Variants in GRID2 observed in about 807,000 individuals in gnomAD.
GRID2 encodes the protein glutamate receptor ionotropic, delta-2.
GRID2 carries 33 observed loss-of-function variants against 114.8 expected under a neutral mutation model. The ratio of observed to expected loss-of-function variants is 0.29; its 90% CI spans 0.22 to 0.38. The LOEUF is 0.38. GRID2 is among the 10% of genes least tolerant of loss of function. The probability of loss-of-function intolerance (pLI) is 1.00; values close to 1 mark genes in which losing one functional copy is unlikely to be tolerated. For missense variants in GRID2, 1,184 were observed against 1,257.7 expected (o/e 0.94, Z 0.89); for synonymous variants, 505 against 449.9 (o/e 1.12, Z -1.55).
At chr4:92,558,738 C>G (rs17019568) in intron 1 of GRID2, among the ~76,000 whole-genome samples, 29,289 of 152,094 alleles carry the variant, frequency 0.19, 3,991 homozygotes, top group African/African-American at 0.39. Flanking sequence ...GATCATGCTT[C>G]GCAAGGCATT....
chr4:93,614,156 C>A (rs1022236712), intron 13 of GRID2, among the ~76,000 whole-genome samples: 3 of 152,192 alleles, frequency 2.0e-5, no homozygotes, highest in African/African-American at 7.2e-5. Context: ...GGCAATGCCT[C>A]GCCCTGCTTC....
intron 1 of GRID2, among the ~76,000 whole-genome samples, chr4:92,365,708 A>T (rs1728830809): frequency 6.6e-6 from 1 of 152,098 alleles, no homozygotes; most frequent in South Asian, 2.1e-4. Flanking sequence ...TAATCATTCC[A>T]CATTGTATAC....
At chr4:93,127,339 C>A (rs1734368367) in intron 4 of GRID2, among the ~76,000 whole-genome samples, 2 of 151,956 alleles carry the variant, frequency 1.3e-5, no homozygotes, top group African/African-American at 4.8e-5. Flanking sequence ...ATCTGAGGGA[C>A]AAGAGTGTGC....
intron 1 of GRID2, among the ~76,000 whole-genome samples, chr4:92,388,943 C>T (rs528941885): frequency 7.9e-5 from 12 of 152,040 alleles, no homozygotes; most frequent in Non-Finnish European, 1.5e-4. Flanking sequence ...TTATATACCG[C>T]ATTCTCTTTG....
chr4:93,287,434 G>A (rs779382971), intron 8 of GRID2, among the ~76,000 whole-genome samples: 5 of 152,152 alleles, frequency 3.3e-5, no homozygotes, highest in Non-Finnish European at 7.3e-5. Context: ...CTGAGGCACA[G>A]TCAGACAAAC....
At chr4:93,252,088 A>G (rs1219520293) in intron 8 of GRID2, among the ~76,000 whole-genome samples, 1 of 152,034 alleles carries the variant, frequency 6.6e-6, no homozygotes, top group African/African-American at 2.4e-5. Flanking sequence ...CCATTTGTCA[A>G]TTTTTGCTTT....
At chr4:92,521,821 G>C (rs1724796864) in intron 1 of GRID2, among the ~76,000 whole-genome samples, 1 of 151,946 alleles carries the variant, frequency 6.6e-6, no homozygotes, top group South Asian at 2.1e-4. Flanking sequence ...CTCCTGGAAA[G>C]ATAAGAATTG....
intron 2 of GRID2, among the ~76,000 whole-genome samples, chr4:92,670,568 A>T (rs768865121): frequency 1.5e-3 from 224 of 152,198 alleles, no homozygotes; most frequent in East Asian, 1.2e-3. Context: ...GTAAATTATT[A>T]ATACATATAG....
At chr4:92,544,059 G>A (rs1040146304) in intron 1 of GRID2, among the ~76,000 whole-genome samples, 1 of 152,066 alleles carries the variant, frequency 6.6e-6, no homozygotes, top group Non-Finnish European at 1.5e-5. Context: ...CCTGAGAGCA[G>A]ACATGTTGCA....
chr4:93,219,995 C>T lies in GRID2; in HGVS notation c.963+3084C>T, dbSNP rs184744396. 1.9e-3 allele frequency among the ~76,000 whole-genome samples: 285 copies of T among 151,948 alleles called. 1 individual carries two copies. Among genetic ancestry groups the T allele is most frequent in the African/African-American group, 5.5e-3 (226 of 41,458 alleles). ...AGAGTAGCCAATCAGCCAGCAGGAA[C>T]GATCAAAATATGATAGCTCAGAAAT... On this transcript the variant is annotated intron_variant, in intron 6 of 15. Coordinates refer to ENST00000282020, the MANE Select transcript of GRID2 (RefSeq NM_001510.4).
chr4:92,681,541 G>T (rs1004434746), intron 2 of GRID2, among the ~76,000 whole-genome samples: 5 of 152,058 alleles, frequency 3.3e-5, no homozygotes, highest in Admixed American at 6.6e-5. Context: ...GGCCTATTGT[G>T]GGGTGGGGAG....
intron 2 of GRID2, among the ~76,000 whole-genome samples, chr4:92,774,577 CTT>C (rs1166044188): frequency 0.018 from 1,956 of 106,122 alleles, 11 homozygotes; most frequent in East Asian, 0.085. Context: ...TTTTTCTTTC[CTT>C]TTTTTTTTTT....
chr4:93,188,488 C>T (rs1402963274), intron 4 of GRID2, among the ~76,000 whole-genome samples: 2 of 152,170 alleles, frequency 1.3e-5, no homozygotes, highest in East Asian at 1.9e-4. Flanking sequence ...GTGGCCAGCC[C>T]GATGATCTCT....
rs111371780 is a variant in GRID2, at chr4:92,460,034, A to C, written c.89-130097A>C. Among the ~76,000 whole-genome samples the C allele has an allele frequency of 1.8e-3, 106 of 59,818 alleles. 7 individuals are homozygous for C. Among genetic ancestry groups the C allele is most frequent in the African/African-American group, 3.3e-3 (44 of 13,274 alleles). The allele number at this position is 59,818 out of a possible 152,430, so 39.2% of individuals were successfully genotyped here. A position where few individuals can be genotyped will look rare whatever the true frequency, so the allele number is the denominator to read the frequency against. ...CCCATTCCTTAAAATAAATCTCACT[A>C]TATATATATATATATATATACACAC... On this transcript the variant is annotated intron_variant, in intron 1 of 15. Coordinates refer to ENST00000282020, the MANE Select transcript of GRID2 (RefSeq NM_001510.4).
intron 1 of GRID2, among the ~76,000 whole-genome samples, chr4:92,311,774 G>C (rs112058560): frequency 1.3e-5 from 2 of 151,832 alleles, no homozygotes; most frequent in Non-Finnish European, 2.9e-5. Flanking sequence ...TGCTAATTGG[G>C]AGAATATTCT....
intron 2 of GRID2, among the ~76,000 whole-genome samples, chr4:92,752,465 AAG>A (rs1298837067): frequency 6.6e-6 from 1 of 152,208 alleles, no homozygotes; most frequent in Non-Finnish European, 1.5e-5. Flanking sequence ...TTAGCAAAAT[AAG>A]AGTGTACAAA....
chr4:93,057,119 G>T (rs1727322840), intron 2 of GRID2, among the ~76,000 whole-genome samples: 1 of 151,232 alleles, frequency 6.6e-6, no homozygotes, highest in Non-Finnish European at 1.5e-5. Context: ...GAGACCAAAA[G>T]AAACTGGAAA....
At position 93,599,583 on chromosome 4, in the gene GRID2, A is replaced by G. The variant is rs538851980; in HGVS notation, c.2194-26686A>G. On this transcript the variant is annotated intron_variant, in intron 13 of 15. Transcript: ENST00000282020. ...CTATGGCTTCCATTTGCTTCCATCA[A>G]TCTACTGGAAAACAATGTGATTATA... Among the ~76,000 whole-genome samples the G allele has an allele frequency of 3.3e-5, 5 of 152,338 alleles. No individual in the cohort carries two copies. In the East Asian group the frequency reaches 9.6e-4, roughly 29 times the overall value.
chr4:93,100,686 G>A (rs1200759958), intron 3 of GRID2, among the ~76,000 whole-genome samples: 1 of 151,956 alleles, frequency 6.6e-6, no homozygotes, highest in East Asian at 1.9e-4. Context: ...ATACAGTACT[G>A]AAGCCTTTTT....
Sources: allele counts gnomAD v4.1 joint callset (sites outside exome capture counted in the v4.1 genomes callset), GRCh38; gene constraint gnomAD v4.1.1; transcripts MANE v1.5; gene names NCBI Gene and HGNC (gene_info 2026-07-23, HGNC 2026-07-21).